The following PYGL variants were observed in gnomAD, a reference collection of about 807,000 sequenced individuals.
PYGL encodes the protein glycogen phosphorylase, liver form.
In PYGL, 90 loss-of-function variants were observed where a neutral mutation model predicts 100.1. The ratio of observed to expected loss-of-function variants is 0.90; its 90% CI spans 0.76 to 1.07. The LOEUF is 1.07. Among genes scored for constraint, PYGL ranks in the 50% least tolerant of loss-of-function variants. PYGL has a pLI of 0.00. For missense variants in PYGL, 1,016 were observed against 1,057.6 expected (o/e 0.96, Z 0.55); for synonymous variants, 373 against 393.0 (o/e 0.95, Z 0.60).
intron 7 of PYGL, among the ~76,000 whole-genome samples, chr14:50,917,729 G>A (rs2050466887): frequency 6.6e-6 from 1 of 152,230 alleles, no homozygotes; most frequent in Non-Finnish European, 1.5e-5. Flanking sequence ...GCCAGGCCAT[G>A]GTGTGCAGGG....
At chr14:50,935,286 G>C in intron 2 of PYGL, 101 bp from the exon 3 acceptor site, 5 of 954,024 alleles carry the variant, frequency 5.2e-6, no homozygotes, top group Non-Finnish European at 8.3e-6. Context: ...TTCAGGTTTA[G>C]CTGTGTACCT....
At position 50,908,353 on chromosome 14, in the gene PYGL, T is replaced by C. The variant is rs369025162; in HGVS notation, c.2313-16A>G. Reference sequence around the variant, plus strand: ...GACTTTAAACCTTTTATTTTGTGAGTGGAAGAGGAAAAAAACAGTCAAAAT... The same window carrying C: ...GACTTTAAACCTTTTATTTTGTGAGCGGAAGAGGAAAAAAACAGTCAAAAT... On this transcript the variant is annotated splice_polypyrimidine_tract_variant and intron_variant, in intron 18 of 19. Coordinates refer to ENST00000216392, the MANE Select transcript of PYGL (RefSeq NM_002863.5). 427 of 1,567,766 alleles carry C rather than the reference T, an allele frequency of 2.7e-4. No individual in the cohort carries two copies. The highest frequency in any genetic ancestry group is 9.2e-4 in the East Asian group (41 of 44,636).
chr14:50,905,442 C>A lies in PYGL; in HGVS notation c.2494G>T (p.Asp832Tyr). 6.2e-7 allele frequency: 1 copy of A among 1,613,888 alleles called. No individual in the cohort carries two copies. Among genetic ancestry groups the A allele is most frequent in the Non-Finnish European group, 8.5e-7 (1 of 1,179,786 alleles). The change falls in exon 20 of 20, where the codon GAT (aspartate) becomes TAT (tyrosine). Residue 832 changes from aspartate to tyrosine, a missense_variant. Transcript: ENST00000216392. ...TCATTGGATAGAGAAATCTTTAGATCTGAAGGTTCCACGTTCCAGATGTTT... is the reference window on the plus strand; with the variant it reads ...TCATTGGATAGAGAAATCTTTAGATATGAAGGTTCCACGTTCCAGATGTTT... Reference protein sequence around the residue: ...AQNIWNVEPSDLKISLSNESN... With the variant: ...AQNIWNVEPSYLKISLSNESN...
At chr14:50,912,064 T>C in intron 14 of PYGL, 28 bp from the exon 15 acceptor site, 1 of 1,613,484 alleles carries the variant, frequency 6.2e-7, no homozygotes, top group Non-Finnish European at 8.5e-7. Flanking sequence ...GTGGATGAAA[T>C]GGAAGACAGC....
chr14:50,929,799 G>A (rs761796050), intron 4 of PYGL, among the ~76,000 whole-genome samples: 13 of 152,126 alleles, frequency 8.5e-5, no homozygotes, highest in Non-Finnish European at 1.3e-4. Context: ...ATTGGGGAGA[G>A]GAACAACCTA....
chr14:50,905,657 A>T (rs940127378), intron 19 of PYGL, 101 bp from the exon 20 acceptor site: 1 of 1,141,860 alleles, frequency 8.8e-7, no homozygotes, highest in African/African-American at 1.5e-5. Context: ...ATGAGGGAAA[A>T]TGACAGGAAT....
intron 4 of PYGL, among the ~76,000 whole-genome samples, chr14:50,928,199 T>C (rs1000824740): frequency 3.9e-5 from 6 of 152,208 alleles, no homozygotes; most frequent in African/African-American, 1.2e-4. Flanking sequence ...GGGGACTCTG[T>C]TGACTGAATT....
At chr14:50,911,901 A>G in intron 15 of PYGL, 30 bp from the exon 16 acceptor site, 1 of 1,614,148 alleles carries the variant, frequency 6.2e-7, no homozygotes, top group Non-Finnish European at 8.5e-7. Flanking sequence ...ACGCATTGAC[A>G]GAAGGCAGCC....
In PYGL at chr14:50,931,784, C is replaced by A; in HGVS notation, c.425-8G>T. 2 of 1,611,170 alleles carry A rather than the reference C, an allele frequency of 1.2e-6. No individual in the cohort carries two copies. Among genetic ancestry groups the A allele is most frequent in the Non-Finnish European group, 1.7e-6 (2 of 1,177,444 alleles). ...TGGAATCCAAGAAGCAGGCTACATT[C>A]AACAGAGCACAGGCAAAAGATAGAG... On this transcript the variant is annotated splice_region_variant and splice_polypyrimidine_tract_variant and intron_variant, in intron 3 of 19. Transcript: ENST00000216392.
Position 50,912,960 on chromosome 14 carries a change from T to TAAAC in PYGL, c.1620+65_1620+68dup, listed in dbSNP as rs370482411. The TAAAC allele has an allele frequency of 4.6e-5, 68 of 1,475,548 alleles. No homozygotes were observed. The African/African-American group carries it at 8.3e-4, about 18-fold the overall frequency. 91.4% of individuals were successfully genotyped at this position (1,475,548 alleles called of 1,614,324 possible). A position where few individuals can be genotyped will look rare whatever the true frequency, so the allele number is the denominator to read the frequency against. On this transcript the variant is annotated intron_variant, in intron 13 of 19. Coordinates refer to ENST00000216392, the MANE Select transcript of PYGL (RefSeq NM_002863.5). ...CAGAGCGAGACTCTGTCTCAAAAAA[T>TAAAC]AAACAAAAACTACAGGATAAACTCT...
rs754956860 is a variant in PYGL, at chr14:50,944,344, C to T, written c.60G>A (p.Val20=). 1.5e-5 allele frequency: 24 copies of T among 1,613,744 alleles called. No individual in the cohort carries two copies. Among genetic ancestry groups the T allele is most frequent in the Non-Finnish European group, 2.0e-5 (24 of 1,179,874 alleles). Residue 20 remains valine, a synonymous_variant, in exon 1 of 20, where the codon GTG becomes GTA. Transcript: ENST00000216392. ...TCAGCTCTGCCACGTTCTCCACGCC[C>T]ACGATGCCGCGGATGCTGATCTGCC... is the stretch of plus-strand genomic sequence containing the variant. ...KRRQISIRGI[V]GVENVAELKK...
chr14:50,931,347 T>G (rs1420300333), intron 4 of PYGL, among the ~76,000 whole-genome samples: 1 of 152,180 alleles, frequency 6.6e-6, no homozygotes, highest in East Asian at 1.9e-4. Flanking sequence ...GCTCCTCCAT[T>G]ATGACTGCTG....
intron 1 of PYGL, among the ~76,000 whole-genome samples, chr14:50,938,799 C>A (rs1019332515): frequency 6.6e-6 from 1 of 152,066 alleles, no homozygotes; most frequent in Non-Finnish European, 1.5e-5. Flanking sequence ...TGATCATGAA[C>A]CTCATGAATA....
chr14:50,943,203 C>T (rs1198284675), intron 1 of PYGL, among the ~76,000 whole-genome samples: 1 of 152,152 alleles, frequency 6.6e-6, no homozygotes, highest in Admixed American at 6.5e-5. Flanking sequence ...ATGTCTCTAC[C>T]TGGCTTCTCC....
chr14:50,929,040 C>CTTATTTTATT (rs1055767255), intron 4 of PYGL, among the ~76,000 whole-genome samples: 42 of 151,958 alleles, frequency 2.8e-4, no homozygotes, highest in African/African-American at 9.4e-4. Context: ...TTTCTTTTAT[C>CTTATTTTATT]TTATTTTATT....
chr14:50,905,422 G>T lies in PYGL; in HGVS notation c.2514C>A (p.Ser838=), dbSNP rs2050321856. The part of the protein sequence containing the change: ...VEPSDLKISL[S]NESNKVNGN ...TTCCATTGACTTTGTTAGATTCATT[G>T]GATAGAGAAATCTTTAGATCTGAAG... Residue 838 remains serine, a synonymous_variant, in exon 20 of 20, where the codon TCC becomes TCA. Transcript: ENST00000216392. The T allele has an allele frequency of 6.2e-7, 1 of 1,613,568 alleles. No individual in the cohort carries two copies. Among genetic ancestry groups the T allele is most frequent in the Admixed American group, 1.7e-5 (1 of 60,024 alleles).
At chr14:50,941,196 C>T (rs996150115) in intron 1 of PYGL, among the ~76,000 whole-genome samples, 7 of 152,180 alleles carry the variant, frequency 4.6e-5, no homozygotes, top group Non-Finnish European at 7.3e-5. Context: ...TACTCAAATG[C>T]CTTCAGGAGC....
chr14:50,940,772 G>A (rs2050695779), intron 1 of PYGL, among the ~76,000 whole-genome samples: 1 of 152,158 alleles, frequency 6.6e-6, no homozygotes. Flanking sequence ...CAAAAGGCTT[G>A]TAAAATAAAA....
At chr14:50,916,770 ATGGCTCAGGGTC>A (rs1173991487) in intron 8 of PYGL, 36 bp from the exon 9 acceptor site, 1 of 1,591,634 alleles carries the variant, frequency 6.3e-7, no homozygotes, top group Non-Finnish European at 8.6e-7. Context: ...AAGGCAACGG[ATGGCTCAGGGTC>A]TGGCTTCTTT....
Sources: gnomAD v4.1 joint callset for allele counts (sites outside exome capture counted in the v4.1 genomes callset) on GRCh38, gnomAD v4.1.1 for gene constraint, MANE v1.5 for transcripts, NCBI Gene and HGNC (gene_info 2026-07-23, HGNC 2026-07-21) for gene names.